Variants in IMMP2L observed in about 807,000 individuals in gnomAD.
IMMP2L encodes the protein mitochondrial inner membrane protease subunit 2.
In IMMP2L, 18 loss-of-function variants were observed where a neutral mutation model predicts 19.3. The observed-to-expected ratio is 0.93, with a 90% confidence interval of 0.64 to 1.38. The LOEUF (loss-of-function observed/expected upper bound fraction) is 1.38. Among genes scored for constraint, IMMP2L ranks in the 40% most tolerant of loss-of-function variants. The pLI is 0.00. For synonymous variants in IMMP2L, 76 were observed against 73.0 expected, an observed-to-expected ratio of 1.04 and a Z score of -0.21; for missense variants, 233 against 218.2, an observed-to-expected ratio of 1.07 and a Z score of -0.43.
At chr7:111,182,920 T>C (rs532368285) in intron 3 of IMMP2L, among the ~76,000 whole-genome samples, 1 of 152,188 alleles carries the variant, frequency 6.6e-6, no homozygotes, top group Admixed American at 6.6e-5. Context: ...TGTACTATCA[T>C]TGGAATGCTA....
intron 2 of IMMP2L, among the ~76,000 whole-genome samples, chr7:111,513,677 A>G (rs1845644813): frequency 6.6e-6 from 1 of 152,168 alleles, no homozygotes; most frequent in South Asian, 2.1e-4. Flanking sequence ...GAATTATTCA[A>G]AACAGCCAAG....
At chr7:111,273,697 T>A (rs1383513005) in intron 3 of IMMP2L, among the ~76,000 whole-genome samples, 3 of 152,036 alleles carry the variant, frequency 2.0e-5, no homozygotes, top group Non-Finnish European at 4.4e-5. Context: ...AAGTTCTGGA[T>A]ATACAGAGGT....
At chr7:111,450,394 A>C (rs1839008959) in intron 3 of IMMP2L, among the ~76,000 whole-genome samples, 1 of 151,540 alleles carries the variant, frequency 6.6e-6, no homozygotes, top group South Asian at 2.1e-4. Flanking sequence ...CAGAGCCCTC[A>C]AATAACGCCG....
chr7:111,035,345 T>G (rs532362017), intron 3 of IMMP2L, among the ~76,000 whole-genome samples: 1 of 152,126 alleles, frequency 6.6e-6, no homozygotes, highest in East Asian at 1.9e-4. Flanking sequence ...AAAAGCAAAA[T>G]AACATTTTCT....
chr7:111,207,534 G>GTTTTTTTTTT (rs376864629), intron 3 of IMMP2L, among the ~76,000 whole-genome samples: 16 of 90,096 alleles, frequency 1.8e-4, no homozygotes, highest in Non-Finnish European at 2.0e-4. Context: ...TTTATTTTTG[G>GTTTTTTTTTT]TTTTTTTTTT....
intron 3 of IMMP2L, 136 bp downstream of exon 3, chr7:111,487,102 T>G (rs1842719833): frequency 2.2e-6 from 1 of 448,716 alleles, no homozygotes; most frequent in African/African-American, 2.0e-5. Flanking sequence ...AAAATTGATT[T>G]TTTAAAAATG....
intron 3 of IMMP2L, among the ~76,000 whole-genome samples, chr7:110,997,698 T>G (rs966662479): frequency 1.3e-5 from 2 of 152,160 alleles, no homozygotes; most frequent in Non-Finnish European, 2.9e-5. Context: ...TTTTGCCCAT[T>G]TTCTAACTGT....
At chr7:110,737,428 A>G (rs771839709) in intron 5 of IMMP2L, among the ~76,000 whole-genome samples, 3 of 152,140 alleles carry the variant, frequency 2.0e-5, no homozygotes, top group Middle Eastern at 3.2e-3. Context: ...TTCCCTGGCA[A>G]CTCAGCAGAG....
At chr7:111,473,284 G>A (rs1205930861) in intron 3 of IMMP2L, among the ~76,000 whole-genome samples, 1 of 151,948 alleles carries the variant, frequency 6.6e-6, no homozygotes, top group Non-Finnish European at 1.5e-5. Flanking sequence ...GCTGTTTGTG[G>A]CCCCTCTTCA....
chr7:110,846,212 A>T (rs1805643947), intron 5 of IMMP2L, among the ~76,000 whole-genome samples: 1 of 152,112 alleles, frequency 6.6e-6, no homozygotes, highest in South Asian at 2.1e-4. Flanking sequence ...TTAACCCCCA[A>T]GAAAACCGAG....
chr7:111,328,859 A>G (rs1825600178), intron 3 of IMMP2L, among the ~76,000 whole-genome samples: 1 of 151,994 alleles, frequency 6.6e-6, no homozygotes, highest in East Asian at 1.9e-4. Flanking sequence ...ACAGCAGTCA[A>G]TGATGCACCA....
intron 5 of IMMP2L, among the ~76,000 whole-genome samples, chr7:110,823,106 GT>G (rs1236708949): frequency 6.6e-6 from 1 of 152,042 alleles, no homozygotes; most frequent in African/African-American, 2.4e-5. Context: ...ATGTTTATGA[GT>G]TTTTAATGTA....
chr7:110,778,634 T>C (rs1799546764), intron 5 of IMMP2L, among the ~76,000 whole-genome samples: 1 of 151,986 alleles, frequency 6.6e-6, no homozygotes. Flanking sequence ...AATAATTACT[T>C]GGACAAGAGA....
intron 3 of IMMP2L, among the ~76,000 whole-genome samples, chr7:111,149,606 G>A (rs757654314): frequency 6.6e-6 from 1 of 151,934 alleles, no homozygotes; most frequent in Non-Finnish European, 1.5e-5. Context: ...TAGACTAATT[G>A]GTTCATCTGA....
chr7:111,186,345 C>T (rs1265848467), intron 3 of IMMP2L, among the ~76,000 whole-genome samples: 1 of 152,076 alleles, frequency 6.6e-6, no homozygotes, highest in Non-Finnish European at 1.5e-5. Context: ...TCTACTTTGG[C>T]CTTCATTGTT....
chr7:110,743,122 G>A (rs1276047345), intron 5 of IMMP2L, among the ~76,000 whole-genome samples: 1 of 152,128 alleles, frequency 6.6e-6, no homozygotes, highest in African/African-American at 2.4e-5. Flanking sequence ...CATCTTGAAA[G>A]AAAATATATT....
At position 111,432,531 on chromosome 7, in the gene IMMP2L, A is replaced by G. The variant is rs1442289966; in HGVS notation, c.239+54707T>C. On this transcript the variant is annotated intron_variant, in intron 3 of 5. Transcript: ENST00000405709. ...AATTCAGCATGGCTTCGTGATAAAAATCCTCAACAAACTAGGTATAGAAGG... is the reference window on the plus strand; with the variant it reads ...AATTCAGCATGGCTTCGTGATAAAAGTCCTCAACAAACTAGGTATAGAAGG... Among the ~76,000 whole-genome samples the G allele has an allele frequency of 3.3e-5, 5 of 151,826 alleles. 1 individual carries two copies. The highest frequency in any genetic ancestry group is 1.2e-4 in the African/African-American group (5 of 41,136).
rs892944418 is a variant in IMMP2L at position 111,294,109 on chromosome 7, T to A, written c.239+193129A>T. Among the ~76,000 whole-genome samples, 4 of 151,870 alleles carry A rather than the reference T, an allele frequency of 2.6e-5. No homozygotes were observed. In the East Asian group the frequency reaches 7.7e-4, roughly 29 times the overall value. ...AAAAGCATTCAAGAATATTCAGAGA[T>A]CATTTACCCTTACCATTTCACTTTA... On this transcript the variant is annotated intron_variant, in intron 3 of 5. Transcript: ENST00000405709.
At chr7:111,380,860 T>A (rs1831131601) in intron 3 of IMMP2L, among the ~76,000 whole-genome samples, 1 of 151,240 alleles carries the variant, frequency 6.6e-6, no homozygotes, top group African/African-American at 2.5e-5. Flanking sequence ...GAATACAATT[T>A]AACCTCAGTA....
Sources: allele counts gnomAD v4.1 joint callset (sites outside exome capture counted in the v4.1 genomes callset), GRCh38; gene constraint gnomAD v4.1.1; transcripts MANE v1.5; gene names NCBI Gene and HGNC (gene_info 2026-07-23, HGNC 2026-07-21).